The following GSK3B variants were observed in gnomAD, a reference collection of about 807,000 sequenced individuals.
The protein encoded by GSK3B is glycogen synthase kinase 3 beta, also known as glycogen synthase kinase-3 beta.
In GSK3B, 15 loss-of-function variants were observed where a neutral mutation model predicts 56.4. The ratio of observed to expected loss-of-function variants is 0.27; its 90% CI spans 0.18 to 0.41. The LOEUF (loss-of-function observed/expected upper bound fraction) is 0.41. Among genes scored for constraint, GSK3B ranks in the 10% least tolerant of loss-of-function variants. The pLI is 1.00. For missense variants in GSK3B, 300 were observed against 513.4 expected, an observed-to-expected ratio of 0.58 and a Z score of 4.02; for synonymous variants, 181 against 188.9, an observed-to-expected ratio of 0.96 and a Z score of 0.34.
intron 1 of GSK3B, among the ~76,000 whole-genome samples, chr3:120,016,647 T>TC (rs2107504449): frequency 6.6e-6 from 1 of 152,312 alleles, no homozygotes; most frequent in Admixed American, 6.5e-5. Context: ...TATTAGCCAC[T>TC]CCAATTTTTT....
intron 1 of GSK3B, among the ~76,000 whole-genome samples, chr3:120,016,057 G>A (rs1030337507): frequency 3.9e-5 from 6 of 152,250 alleles, no homozygotes; most frequent in Non-Finnish European, 5.9e-5. Flanking sequence ...GGTTTCTTTA[G>A]AGCATCAATA....
intron 10 of GSK3B, among the ~76,000 whole-genome samples, chr3:119,831,136 T>C (rs888115187): frequency 2.0e-5 from 3 of 152,070 alleles, no homozygotes; most frequent in Admixed American, 6.6e-5. Flanking sequence ...GAAGCACAAA[T>C]AGATTAAGGA....
chr3:119,872,545 AG>A (rs573512798), intron 8 of GSK3B, among the ~76,000 whole-genome samples: 132 of 152,256 alleles, frequency 8.7e-4, no homozygotes, highest in African/African-American at 3.0e-3. Flanking sequence ...GACAGAAATG[AG>A]GAGGATGGAT....
intron 7 of GSK3B, among the ~76,000 whole-genome samples, chr3:119,894,095 C>A (rs2319398): frequency 0.53 from 80,887 of 151,898 alleles, 24,771 homozygotes; most frequent in African/African-American, 0.86. Context: ...CAATCTGTCT[C>A]TTCTGGACAT....
At chr3:120,092,097 A>G (rs1194995945) in intron 1 of GSK3B, among the ~76,000 whole-genome samples, 4 of 152,208 alleles carry the variant, frequency 2.6e-5, no homozygotes, top group East Asian at 1.9e-4. Context: ...CTTTCCCACA[A>G]TAAGGAAACA....
At chr3:119,997,237 A>G (rs1407566663) in intron 2 of GSK3B, among the ~76,000 whole-genome samples, 39 of 152,342 alleles carry the variant, frequency 2.6e-4, no homozygotes, top group Non-Finnish European at 1.5e-5. Context: ...GAAGATGCCC[A>G]AGTTCAAAAC....
At position 119,826,529 on chromosome 3, in the gene GSK3B, T is replaced by TA; in HGVS notation, c.*258dup. The TA allele has an allele frequency of 1.7e-6, 1 of 594,242 alleles. No individual in the cohort carries two copies. The highest frequency in any genetic ancestry group is 3.0e-6 in the Non-Finnish European group (1 of 330,044). 36.8% of individuals were successfully genotyped at this position (594,242 alleles called of 1,614,324 possible). A position where few individuals can be genotyped will look rare whatever the true frequency, so the allele number is the denominator to read the frequency against. The stretch of plus-strand genomic sequence containing the variant: ...GTCGTGGGAGAGAGATTGTATGTTC[T>TA]AGTGCTCCGCTTTCCCCCTCCCCAC... On this transcript the variant is annotated 3_prime_UTR_variant, in exon 11 of 11. Coordinates refer to ENST00000264235, the MANE Select transcript of GSK3B (RefSeq NM_001146156.2).
chr3:119,967,135 G>C (rs2057325081), intron 2 of GSK3B, among the ~76,000 whole-genome samples: 1 of 151,278 alleles, frequency 6.6e-6, no homozygotes, highest in Non-Finnish European at 1.5e-5. Context: ...CTGGAGTGCA[G>C]TGGCCTGAAC....
intron 10 of GSK3B, among the ~76,000 whole-genome samples, chr3:119,829,409 T>C (rs972629708): frequency 2.6e-5 from 4 of 152,210 alleles, no homozygotes; most frequent in Admixed American, 6.5e-5. Flanking sequence ...CAGGTAGAAC[T>C]GTCATTCTGG....
At chr3:119,952,853 T>C (rs1356120585) in intron 2 of GSK3B, among the ~76,000 whole-genome samples, 1 of 151,952 alleles carries the variant, frequency 6.6e-6, no homozygotes, top group African/African-American at 2.4e-5. Context: ...CTTGAACAAG[T>C]ACCTTGAGCT....
intron 8 of GSK3B, among the ~76,000 whole-genome samples, chr3:119,864,431 A>G (rs2056149254): frequency 6.6e-6 from 1 of 152,248 alleles, no homozygotes; most frequent in Non-Finnish European, 1.5e-5. Context: ...TTCATTCTAA[A>G]TTATGGCCAC....
chr3:119,930,561 T>C (rs2056936120), intron 3 of GSK3B, among the ~76,000 whole-genome samples: 1 of 152,178 alleles, frequency 6.6e-6, no homozygotes, highest in Non-Finnish European at 1.5e-5. Context: ...TTAAAGAACT[T>C]GGGCTGGTAT....
chr3:120,070,872 G>C (rs887723021), intron 1 of GSK3B, among the ~76,000 whole-genome samples: 7 of 152,200 alleles, frequency 4.6e-5, no homozygotes, highest in Non-Finnish European at 8.8e-5. Flanking sequence ...GGCAAGATTA[G>C]GGATCCATTC....
intron 7 of GSK3B, among the ~76,000 whole-genome samples, chr3:119,889,247 T>G (rs1393413331): frequency 1.3e-5 from 2 of 152,140 alleles, no homozygotes; most frequent in African/African-American, 2.4e-5. Flanking sequence ...GAGGCCGAGC[T>G]GTAAAATTCC....
chr3:119,939,236 T>C (rs925773103), intron 3 of GSK3B, among the ~76,000 whole-genome samples: 44 of 152,120 alleles, frequency 2.9e-4, no homozygotes, highest in African/African-American at 1.1e-3. Context: ...TAATACAACA[T>C]ATTCTGACAA....
intron 1 of GSK3B, among the ~76,000 whole-genome samples, chr3:120,076,517 T>C (rs1370795148): frequency 1.3e-5 from 2 of 152,062 alleles, no homozygotes; most frequent in African/African-American, 4.8e-5. Flanking sequence ...AACATATAAC[T>C]CTATTTAAAA....
At chr3:120,088,649 A>AC (rs2058485801) in intron 1 of GSK3B, among the ~76,000 whole-genome samples, 1 of 152,120 alleles carries the variant, frequency 6.6e-6, no homozygotes, top group African/African-American at 2.4e-5. Flanking sequence ...CACACACACA[A>AC]AAAATCAGCT....
Position 119,826,711 on chromosome 3 carries a change from C to G in GSK3B, c.*77G>C. On this transcript the variant is annotated 3_prime_UTR_variant, in exon 11 of 11. Coordinates refer to ENST00000264235, the MANE Select transcript of GSK3B (RefSeq NM_001146156.2). ...TTTTTTTCTCTTTTTAATATTCTTT[C>G]CAAACGTGACCAGTGTTGCTGAGTG... The G allele has an allele frequency of 2.2e-6, 2 of 896,706 alleles. No individual in the cohort carries two copies. The highest frequency in any genetic ancestry group is 3.8e-6 in the Non-Finnish European group (2 of 525,088). 55.5% of individuals were successfully genotyped at this position (896,706 alleles called of 1,614,324 possible).
At chr3:119,866,020 G>C (rs902252217) in intron 8 of GSK3B, among the ~76,000 whole-genome samples, 1 of 152,060 alleles carries the variant, frequency 6.6e-6, no homozygotes, top group African/African-American at 2.4e-5. Flanking sequence ...GATGAGAAAA[G>C]CCTAGGTTCA....
Sources: gnomAD v4.1 joint callset for allele counts (sites outside exome capture counted in the v4.1 genomes callset) on GRCh38, gnomAD v4.1.1 for gene constraint, MANE v1.5 for transcripts, NCBI Gene and HGNC (gene_info 2026-07-23, HGNC 2026-07-21) for gene names.